TMC6: variants seen among roughly 807,000 people sequenced by gnomAD.
TMC6 encodes the protein transmembrane channel like 6.
In TMC6, 71 loss-of-function variants were observed where a neutral mutation model predicts 95.4. The observed-to-expected ratio is 0.74, with a 90% CI of 0.61 to 0.91. TMC6 has a LOEUF of 0.91. Among genes scored for constraint, TMC6 ranks in the 40% least tolerant of loss-of-function variants. The pLI, the probability that TMC6 is intolerant of heterozygous loss-of-function variation, is 0.00. For missense variants in TMC6, 1,074 were observed against 1,079.1 expected (o/e 1.00, Z 0.07); for synonymous variants, 514 against 483.1 (o/e 1.06, Z -0.84).
rs771048716 is a variant in TMC6, at chr17:78,124,692, G to A, written c.723C>T (p.Phe241=). ...GGAAGTAGGAGAGCACGCTGGAGCC[G>A]AACTGGCCCCCGATGCGCTTCAGGG... is the stretch of plus-strand genomic sequence containing the variant. ...RYALKRIGGQ[F]GSSVLSYFLF... Residue 241 remains phenylalanine (F), a synonymous_variant, in exon 8 of 20, where the codon TTC becomes TTT. Coordinates refer to ENST00000590602, the MANE Select transcript of TMC6 (RefSeq NM_001127198.5). 1.7e-5 allele frequency: 28 copies of A among 1,603,110 alleles called. No individual in the cohort carries two copies. Among genetic ancestry groups the A allele is most frequent in the Admixed American group, 5.2e-5 (3 of 58,224 alleles).
intron 18 of TMC6, 95 bp from the exon 19 acceptor site, chr17:78,113,719 G>T: frequency 7.7e-7 from 1 of 1,303,774 alleles, no homozygotes; most frequent in Non-Finnish European, 1.1e-6. Flanking sequence ...AAACTCACGA[G>T]GTGTATTCAA....
chr17:78,132,307 G>GGCCCCA (rs1477059136), upstream of TMC6: 4 of 1,604,782 alleles, frequency 2.5e-6, no homozygotes, highest in Middle Eastern at 1.7e-4. Flanking sequence ...CTCTCAGCGC[G>GGCCCCA]GCCCCAGCCC....
At position 78,112,099 on chromosome 17, in the gene TMC6, G is replaced by T. The variant is rs572818649; in HGVS notation, c.*1049C>A. ...ACAGGCTGACGGGCTGGTCCCCGCA[G>T]GCCTGGAGCACTGAGGCTGACGGGC... On this transcript the variant is annotated 3_prime_UTR_variant, in exon 20 of 20. Transcript: ENST00000590602. 1 of 227,498 alleles carries T rather than the reference G, an allele frequency of 4.4e-6. No homozygotes were observed. Among genetic ancestry groups the T allele is most frequent in the Admixed American group, 6.3e-5 (1 of 15,836 alleles). 14.1% of individuals were successfully genotyped at this position (227,498 alleles called of 1,614,324 possible).
chr17:78,124,574 G>C lies in TMC6; in HGVS notation c.841C>G (p.Leu281Val). ...MGPQVAFPPALPGPAPVCTGL... is the reference protein window; with the variant it reads ...MGPQVAFPPAVPGPAPVCTGL... ...GTGCAGACGGGGGCAGGGCCCGGCA[G>C]GGCGGGTGGGAAGGCGACCTGAGGG... The change falls in exon 8 of 20, where the codon CTG becomes GTG. Residue 281 changes from leucine (L) to valine (V), a missense_variant. Physicochemically the swap from Leu to Val is conservative, Grantham distance 32. Coordinates refer to ENST00000590602, the MANE Select transcript of TMC6 (RefSeq NM_001127198.5). 1.9e-6 allele frequency: 3 copies of C among 1,612,236 alleles called. No homozygotes were observed. Among genetic ancestry groups the C allele is most frequent in the Non-Finnish European group, 2.5e-6 (3 of 1,179,818 alleles).
In TMC6 at chr17:78,109,546, A is replaced by C. The variant is rs1291422390; in HGVS notation, c.*3602T>G. Reference sequence around the variant, plus strand: ...CTCAGGAGGCTGAGGCGGGAGGATCACCTGAGCCCAGGAGGTCGAGGCTGC... The same window carrying C: ...CTCAGGAGGCTGAGGCGGGAGGATCCCCTGAGCCCAGGAGGTCGAGGCTGC... On this transcript the variant is annotated 3_prime_UTR_variant, in exon 20 of 20. Coordinates refer to ENST00000590602, the MANE Select transcript of TMC6 (RefSeq NM_001127198.5). 1 of 456,368 alleles carries C rather than the reference A, an allele frequency of 2.2e-6. No homozygotes were observed. Among genetic ancestry groups the C allele is most frequent in the East Asian group, 6.9e-5 (1 of 14,400 alleles). The allele number at this position is 456,368 out of a possible 1,614,324, so 28.3% of individuals were successfully genotyped here. A position where few individuals can be genotyped will look rare whatever the true frequency, so the allele number is the denominator to read the frequency against.
Position 78,119,398 on chromosome 17 carries a change from TC to T in TMC6, c.1716-7del. On this transcript the variant is annotated splice_region_variant and splice_polypyrimidine_tract_variant and intron_variant, in intron 13 of 19. Transcript: ENST00000590602. The stretch of plus-strand genomic sequence containing the variant: ...GCTTCTTCTCGGAGATAATCCTGCC[TC>T]CGAGGACCCCGGATCGTTAGATGGG... 1 of 1,475,510 alleles carries T rather than the reference TC, an allele frequency of 6.8e-7. No homozygotes were observed. The highest frequency in any genetic ancestry group is 8.9e-7 in the Non-Finnish European group (1 of 1,123,062). The allele number at this position is 1,475,510 out of a possible 1,614,324, so 91.4% of individuals were successfully genotyped here. A position where few individuals can be genotyped will look rare whatever the true frequency, so the allele number is the denominator to read the frequency against.
rs2074569889 is a variant in TMC6, at chr17:78,124,081, G to A, written c.990C>T (p.Pro330=). 6.2e-7 allele frequency: 1 copy of A among 1,613,348 alleles called. No individual in the cohort carries two copies. Among genetic ancestry groups the A allele is most frequent in the Admixed American group, 1.7e-5 (1 of 60,000 alleles). The change falls in exon 9 of 20, where the codon CCC becomes CCT. Residue 330 remains proline (P), a synonymous_variant. Coordinates refer to ENST00000590602, the MANE Select transcript of TMC6 (RefSeq NM_001127198.5). ...TGTTGTAGGGCAGGCCACCCACCCT[G>A]GGTGTGCACTGGCTGCCATCCAGGG... is the stretch of plus-strand genomic sequence containing the variant. The part of the protein sequence containing the change: ...GSPLDGSQCT[P]RVGGLPYNMP...
In TMC6 at chr17:78,117,482, C is replaced by A. The variant is rs2145069524; in HGVS notation, c.2184G>T (p.Val728=). 1 of 1,609,894 alleles carries A rather than the reference C, an allele frequency of 6.2e-7. No homozygotes were observed. The change falls in exon 17 of 20, where the codon GTG becomes GTT. Residue 728 remains valine, a synonymous_variant. Transcript: ENST00000590602. ...LMENTFFVFL[V]SALLLAVIYL... is the part of the protein sequence containing the mutation. ...GCGGGACTCACAGCAGCAGGGCTGA[C>A]ACCAGGAAGACAAAGAAGGTGTTTT...
In TMC6 at chr17:78,124,000, G is replaced by A. The variant is rs147648259; in HGVS notation, c.1071C>T (p.Thr357=). 2.8e-4 allele frequency: 450 copies of A among 1,613,682 alleles called. No individual in the cohort carries two copies. Among genetic ancestry groups the A allele is most frequent in the Non-Finnish European group, 3.6e-4 (422 of 1,179,986 alleles). ...VGVSFFITCI[T]LVYSMAHSFG... ...GGTGGAGGCATTACCTGTACACCAG[G>A]GTGATGCAGGTGATAAAGAAGCTCA... Residue 357 remains threonine (T), a synonymous_variant, in exon 9 of 20, where the codon ACC becomes ACT. Transcript: ENST00000590602.
intron 13 of TMC6, chr17:78,120,054 A>G (rs1193564812): frequency 5.2e-6 from 2 of 383,788 alleles, no homozygotes; most frequent in African/African-American, 2.2e-5. Context: ...CCCACAGCGG[A>G]ATACCTGGAA....
chr17:78,124,059 T>C lies in TMC6; in HGVS notation c.1012A>G (p.Asn338Asp), dbSNP rs763657103. 1 of 1,613,522 alleles carries C rather than the reference T, an allele frequency of 6.2e-7. No homozygotes were observed. The highest frequency in any genetic ancestry group is 1.1e-5 in the South Asian group (1 of 91,080). The change falls in exon 9 of 20, where the codon AAC becomes GAC. Residue 338 changes from asparagine (N) to aspartate (D), a missense_variant. Transcript: ENST00000590602. ...GTGGAGAGGTAGGCCAGGGGCATGT[T>C]GTAGGGCAGGCCACCCACCCTGGGT... ...CTPRVGGLPY[N>D]MPLAYLSTVG...
Position 78,125,613 on chromosome 17 carries a change from G to A in TMC6, c.430+113C>T, listed in dbSNP as rs1264511378. ...CTTCAGGCAGCCTGCTAAGGGATAG[G>A]AGAGGGGCCTCTGGCTCTGCAGCAC... On this transcript the variant is annotated intron_variant, in intron 5 of 19. Transcript: ENST00000590602. The A allele has an allele frequency of 3.4e-6, 5 of 1,467,904 alleles. No individual in the cohort carries two copies. The African/African-American group carries it at 5.6e-5, about 16-fold the overall frequency. 90.9% of individuals were successfully genotyped at this position (1,467,904 alleles called of 1,614,324 possible). A position where few individuals can be genotyped will look rare whatever the true frequency, so the allele number is the denominator to read the frequency against.
chr17:78,124,964 C>A lies in TMC6; in HGVS notation c.558G>T (p.Arg186Ser). 2 of 1,594,330 alleles carry A rather than the reference C, an allele frequency of 1.3e-6. No homozygotes were observed. Among genetic ancestry groups the A allele is most frequent in the East Asian group, 2.3e-5 (1 of 44,296 alleles). ...TGCCCGGCTGGCCCCTCCACTTCCCCCTCGGGGTCCTGCTCTTCTCTCTGG... is the reference window on the plus strand; with the variant it reads ...TGCCCGGCTGGCCCCTCCACTTCCCACTCGGGGTCCTGCTCTTCTCTCTGG... Reference protein sequence around the residue: ...RSLREKSRTPRGKWRGQPGSG... With the variant: ...RSLREKSRTPSGKWRGQPGSG... The change falls in exon 7 of 20, where the codon AGG becomes AGT. Residue 186 changes from arginine (R) to serine (S), a missense_variant. Transcript: ENST00000590602.
At position 78,122,700 on chromosome 17, in the gene TMC6, T is replaced by C. The variant is rs1187627980; in HGVS notation, c.1132A>G (p.Ile378Val). 3 of 1,611,632 alleles carry C rather than the reference T, an allele frequency of 1.9e-6. No homozygotes were observed. Among genetic ancestry groups the C allele is most frequent in the Admixed American group, 1.7e-5 (1 of 59,950 alleles). The stretch of plus-strand genomic sequence containing the variant: ...GAGCAGAAGACGGTGATGGCGTGGA[T>C]GCCAGAGGTGCTGCCCACCCGGTAG... ...ESYRVGSTSG[I>V]HAITVFCSWD... is the part of the protein sequence containing the mutation. The change falls in exon 10 of 20, where the codon ATC becomes GTC. Residue 378 changes from isoleucine to valine, a missense_variant. Coordinates refer to ENST00000590602, the MANE Select transcript of TMC6 (RefSeq NM_001127198.5). This position sits in a 1 kb window ranked among gnomAD's most constrained non-coding sequence, Gnocchi z 4.9.
chr17:78,125,823 C>T lies in TMC6; in HGVS notation c.333G>A (p.Arg111=), dbSNP rs371892251. ...YYNRTVQLRC[R]SSRPLLGNFV... ...AGTTCCCGAGCAGGGGCCGGCTGCT[C>T]CTGCACCGAAGCTGCACCGTGCGGT... The change falls in exon 5 of 20, where the codon AGG becomes AGA. Residue 111 remains arginine, a synonymous_variant. Coordinates refer to ENST00000590602, the MANE Select transcript of TMC6 (RefSeq NM_001127198.5). 56 of 1,555,420 alleles carry T rather than the reference C, an allele frequency of 3.6e-5. 1 individual carries two copies. In the East Asian group the frequency reaches 1.2e-3, roughly 33 times the overall value.
chr17:78,129,951 C>T (rs557359833), upstream of TMC6, among the ~76,000 whole-genome samples: 32 of 152,260 alleles, frequency 2.1e-4, no homozygotes, highest in African/African-American at 7.2e-4. This position sits in a 1 kb window ranked among gnomAD's most constrained non-coding sequence, Gnocchi z 4.3. Context: ...ACATAGCTTG[C>T]GCCTGACACA....
At chr17:78,131,875 C>T, upstream of TMC6, 1 of 1,457,788 alleles carries the variant, frequency 6.9e-7, no homozygotes, top group Non-Finnish European at 9.0e-7. Context: ...TCACCACCCC[C>T]GTCCAGGCAG....
intron 12 of TMC6, 34 bp downstream of exon 12, chr17:78,120,979 G>A (rs370791917): frequency 3.7e-6 from 6 of 1,613,182 alleles, no homozygotes; most frequent in South Asian, 1.1e-5. Context: ...ATCAGCTCCA[G>A]CACCAAATGA....
chr17:78,110,007 G>A lies in TMC6; in HGVS notation c.*3141C>T, dbSNP rs551548567. ...CTTGAACCCAGTAGGCGGAGGTTGC[G>A]GTGAGCCAAGATCGTCCCGTTGCAC... On this transcript the variant is annotated 3_prime_UTR_variant, in exon 20 of 20. Transcript: ENST00000590602. The A allele has an allele frequency of 1.7e-4, 28 of 162,862 alleles. No homozygotes were observed. The highest frequency in any genetic ancestry group is 1.7e-3 in the South Asian group (11 of 6,516). 10.1% of individuals were successfully genotyped at this position (162,862 alleles called of 1,614,324 possible). A position where few individuals can be genotyped will look rare whatever the true frequency, so the allele number is the denominator to read the frequency against.
Sources: allele counts gnomAD v4.1 joint callset (sites outside exome capture counted in the v4.1 genomes callset), GRCh38; gene constraint gnomAD v4.1.1; non-coding constraint Gnocchi (gnomAD v3.1); transcripts MANE v1.5; gene names NCBI Gene and HGNC (gene_info 2026-07-23, HGNC 2026-07-21).